The following ZKSCAN2 variants were observed in gnomAD, a reference collection of about 807,000 sequenced individuals.
The protein encoded by ZKSCAN2 is zinc finger with KRAB and SCAN domains 2.
Under a neutral mutation model 90.5 loss-of-function variants are expected in ZKSCAN2, and 38 were observed. That is an observed-to-expected ratio of 0.42 (90% CI 0.32 to 0.55). The LOEUF (loss-of-function observed/expected upper bound fraction) is 0.55, where lower values mean the gene tolerates loss of function less well. Among genes scored for constraint, ZKSCAN2 ranks in the 20% least tolerant of loss-of-function variants. The probability of loss-of-function intolerance (pLI) is 0.11; values close to 1 mark genes in which losing one functional copy is unlikely to be tolerated. For synonymous variants in ZKSCAN2, 429 were observed against 421.6 expected (o/e 1.02, Z -0.22); for missense variants, 1,167 against 1,202.6 (o/e 0.97, Z 0.44).
rs115670905 is a variant in ZKSCAN2 at position 25,255,123 on chromosome 16, C to G, written c.586+83G>C. The G allele has an allele frequency of 4.2e-6, 6 of 1,416,082 alleles. No homozygotes were observed. The African/African-American group carries it at 7.2e-5, about 17-fold the overall frequency. The allele number at this position is 1,416,082 out of a possible 1,614,324, so 87.7% of individuals were successfully genotyped here. ...TCTGAATATGTATCAAGGAGGCCCT[C>G]CACTGCACATTCACAGCGTTGGGGT... On this transcript the variant is annotated intron_variant, in intron 2 of 6. Transcript: ENST00000328086.
At chr16:25,250,449 G>A (rs1025336892) in intron 4 of ZKSCAN2, among the ~76,000 whole-genome samples, 6 of 152,214 alleles carry the variant, frequency 3.9e-5, no homozygotes, top group Non-Finnish European at 7.3e-5. Context: ...AAAGTGAGAA[G>A]AGAACAGTGG....
rs1442285928 is a variant in ZKSCAN2, at chr16:25,240,480, G to A, written c.2240C>T (p.Pro747Leu). The change falls in exon 7 of 7, where the codon CCC becomes CTC. Residue 747 changes from proline (P) to leucine (L), a missense_variant. Coordinates refer to ENST00000328086, the MANE Select transcript of ZKSCAN2 (RefSeq NM_001012981.5). ...VHQRPFVGKR[P>L]YRLLKYGESF... ...TTCTCCATATTTGAGAAGTCTGTAG[G>A]GTCTCTTCCCCACAAAAGGCCTCTG... is the stretch of plus-strand genomic sequence containing the variant. 3.6e-5 allele frequency: 58 copies of A among 1,613,948 alleles called. No individual in the cohort carries two copies. The highest frequency in any genetic ancestry group is 4.8e-5 in the Non-Finnish European group (57 of 1,180,006).
chr16:25,240,783 TA>T, intron 6 of ZKSCAN2, 45 bp from the exon 7 acceptor site: 1 of 1,548,210 alleles, frequency 6.5e-7, no homozygotes, highest in Non-Finnish European at 8.8e-7. Flanking sequence ...AGTCTGATAT[TA>T]ACCATAAACA....
At chr16:25,255,648 C>G (rs1386195394) in intron 1 of ZKSCAN2, among the ~76,000 whole-genome samples, 6 of 152,216 alleles carry the variant, frequency 3.9e-5, no homozygotes, top group Admixed American at 3.9e-4. Flanking sequence ...ATGGCACGAT[C>G]TTGGCTCACT....
At position 25,244,010 on chromosome 16, in the gene ZKSCAN2, G is replaced by C; in HGVS notation, c.1756C>G (p.Arg586Gly). The change falls in exon 6 of 7, where the codon CGG becomes GGG. Residue 586 changes from arginine to glycine, a missense_variant. By Grantham distance (125) the Arg-to-Gly change is moderately radical. Coordinates refer to ENST00000328086, the MANE Select transcript of ZKSCAN2 (RefSeq NM_001012981.5). ...YKEMDALINS[R>G]ASAPSPSTPE... ...GTGCTGGGGGAAGGAGCAGATGCCCGAGAGTTAATCAGGGCATCCATCTCC... is the reference window on the plus strand; with the variant it reads ...GTGCTGGGGGAAGGAGCAGATGCCCCAGAGTTAATCAGGGCATCCATCTCC... 6.2e-7 allele frequency: 1 copy of C among 1,614,170 alleles called. No homozygotes were observed. The highest frequency in any genetic ancestry group is 8.5e-7 in the Non-Finnish European group (1 of 1,180,032).
intron 4 of ZKSCAN2, among the ~76,000 whole-genome samples, chr16:25,250,053 G>A (rs1466465391): frequency 2.0e-5 from 3 of 152,314 alleles, no homozygotes; most frequent in East Asian, 1.9e-4. Context: ...GCTCACACCT[G>A]TAATCCCAGC....
chr16:25,245,737 T>C (rs1161853889), intron 5 of ZKSCAN2, among the ~76,000 whole-genome samples: 1 of 147,054 alleles, frequency 6.8e-6, no homozygotes, highest in African/African-American at 2.5e-5. Flanking sequence ...GCCACTGCAC[T>C]CCAGCCTGGG....
Position 25,238,868 on chromosome 16 carries a change from T to C in ZKSCAN2, c.*948A>G, listed in dbSNP as rs1485145400. 6 of 152,044 alleles carry C rather than the reference T, an allele frequency of 3.9e-5. No homozygotes were observed. The highest frequency in any genetic ancestry group is 5.9e-5 in the Non-Finnish European group (4 of 68,024). 9.4% of individuals were successfully genotyped at this position (152,044 alleles called of 1,614,324 possible). ...TATACTGCAGTGCAGGGGTGGGAGG[T>C]ACGAAATATGCCAACATGCCAGTCA... On this transcript the variant is annotated 3_prime_UTR_variant, in exon 7 of 7. Coordinates refer to ENST00000328086, the MANE Select transcript of ZKSCAN2 (RefSeq NM_001012981.5).
In ZKSCAN2 at chr16:25,240,855, T is replaced by C. The variant is rs566931608; in HGVS notation, c.1982-117A>G. On this transcript the variant is annotated intron_variant, in intron 6 of 6. Transcript: ENST00000328086. ...TACACTTCTCTAACCTCAGATCCTG[T>C]GACTCTTCCCTGATTCATTCTGCTA... is the stretch of plus-strand genomic sequence containing the variant. The C allele has an allele frequency of 9.2e-6, 7 of 760,980 alleles. No homozygotes were observed. The South Asian group carries it at 1.1e-4, about 12-fold the overall frequency. 47.1% of individuals were successfully genotyped at this position (760,980 alleles called of 1,614,324 possible). A position where few individuals can be genotyped will look rare whatever the true frequency, so the allele number is the denominator to read the frequency against.
intron 6 of ZKSCAN2, among the ~76,000 whole-genome samples, chr16:25,241,343 A>T (rs1330646291): frequency 6.6e-6 from 1 of 152,186 alleles, no homozygotes; most frequent in East Asian, 1.9e-4. Flanking sequence ...ATTTTCTGTT[A>T]AGTTTTCTGG....
chr16:25,249,360 A>G (rs910670164), intron 4 of ZKSCAN2, among the ~76,000 whole-genome samples: 2 of 152,098 alleles, frequency 1.3e-5, no homozygotes, highest in African/African-American at 4.8e-5. Flanking sequence ...CACGATCTCG[A>G]CTTGCCTCTG....
At chr16:25,247,457 T>C (rs1567352558) in intron 4 of ZKSCAN2, 67 bp from the exon 5 acceptor site, 5 of 1,397,054 alleles carry the variant, frequency 3.6e-6, no homozygotes, top group Non-Finnish European at 2.9e-6. Flanking sequence ...AATCTTCTGC[T>C]GTCACATGCT....
intron 5 of ZKSCAN2, among the ~76,000 whole-genome samples, chr16:25,245,207 C>T (rs1423100113): frequency 5.9e-5 from 9 of 152,138 alleles, no homozygotes; most frequent in Non-Finnish European, 1.0e-4. Flanking sequence ...AGGGCTCAAG[C>T]GACCCTCTCG....
Position 25,257,263 on chromosome 16 carries a change from T to G in ZKSCAN2, c.-136A>C. The G allele has an allele frequency of 6.7e-7, 1 of 1,481,844 alleles. No homozygotes were observed. The highest frequency in any genetic ancestry group is 8.9e-7 in the Non-Finnish European group (1 of 1,124,262). 91.8% of individuals were successfully genotyped at this position (1,481,844 alleles called of 1,614,324 possible). ...AACGGCCAGGTCGGCAGGAACAGGG[T>G]ATTCCAGGCTGATTAATCAAATCTA... On this transcript the variant is annotated 5_prime_UTR_variant, in exon 1 of 7. Transcript: ENST00000328086.
At position 25,253,057 on chromosome 16, in the gene ZKSCAN2, C is replaced by T. The variant is rs751158090; in HGVS notation, c.587-20G>A. 59 of 1,591,432 alleles carry T rather than the reference C, an allele frequency of 3.7e-5. No homozygotes were observed. The highest frequency in any genetic ancestry group is 6.7e-5 in the East Asian group (3 of 44,780). On this transcript the variant is annotated intron_variant, in intron 2 of 6. Coordinates refer to ENST00000328086, the MANE Select transcript of ZKSCAN2 (RefSeq NM_001012981.5). ...GCCGAGCTGTAAGAATAGAAAGAAA[C>T]GATTAGTAATCTGGGCTTTGACCCT... is the stretch of plus-strand genomic sequence containing the variant.
chr16:25,244,349 G>A, intron 5 of ZKSCAN2, 73 bp from the exon 6 acceptor site: 1 of 1,480,378 alleles, frequency 6.8e-7, no homozygotes. Context: ...TATACATTAA[G>A]AAATGTAGAG....
rs954101968 is a variant in ZKSCAN2, at chr16:25,238,020, C to T, written c.*1796G>A. 1 of 152,210 alleles carries T rather than the reference C, an allele frequency of 6.6e-6. No homozygotes were observed. The highest frequency in any genetic ancestry group is 1.5e-5 in the Non-Finnish European group (1 of 68,048). The allele number at this position is 152,210 out of a possible 1,614,324, so 9.4% of individuals were successfully genotyped here. On this transcript the variant is annotated 3_prime_UTR_variant, in exon 7 of 7. Transcript: ENST00000328086. ...ATGTGAACAGTCATAATATTTCCAA[C>T]AAATGTAAATCAGAAACATTTATCA...
intron 2 of ZKSCAN2, among the ~76,000 whole-genome samples, chr16:25,253,997 C>T (rs930349054): frequency 2.7e-5 from 4 of 149,024 alleles, no homozygotes; most frequent in Non-Finnish European, 5.9e-5. Context: ...CAAGACTCCA[C>T]CTCAAAGAAA....
rs1299034796 is a variant in ZKSCAN2, at chr16:25,257,605, G to T, written c.-478C>A. ...TTCCGGGCTCGGGTCACCGCAGCAC[G>T]TCCAGGCCGCCGCGGGTGCCGCTGG... On this transcript the variant is annotated 5_prime_UTR_variant, in exon 1 of 7. Transcript: ENST00000328086. 8.1e-6 allele frequency: 6 copies of T among 742,876 alleles called. No homozygotes were observed. Among genetic ancestry groups the T allele is most frequent in the Non-Finnish European group, 9.9e-6 (6 of 608,472 alleles). 46.0% of individuals were successfully genotyped at this position (742,876 alleles called of 1,614,324 possible). A position where few individuals can be genotyped will look rare whatever the true frequency, so the allele number is the denominator to read the frequency against.
Sources: gnomAD v4.1 joint callset for allele counts (sites outside exome capture counted in the v4.1 genomes callset) on GRCh38, gnomAD v4.1.1 for gene constraint, MANE v1.5 for transcripts, NCBI Gene and HGNC (gene_info 2026-07-23, HGNC 2026-07-21) for gene names.